SSBP3: variants seen among roughly 807,000 people sequenced by gnomAD.
The protein encoded by SSBP3 is single stranded DNA binding protein 3.
Under a neutral mutation model 69.6 loss-of-function variants are expected in SSBP3, and 5 were observed. That is an observed-to-expected ratio of 0.07 (90% CI 0.04 to 0.15). The LOEUF (loss-of-function observed/expected upper bound fraction) is 0.15. SSBP3 is among the 10% of genes least tolerant of loss of function. SSBP3 has a pLI of 1.00. For synonymous variants in SSBP3, 196 were observed against 193.4 expected (o/e 1.01, Z -0.11); for missense variants, 312 against 534.0 (o/e 0.58, Z 4.10).
chr1:54,281,018 G>T (rs1464805793), intron 5 of SSBP3, among the ~76,000 whole-genome samples: 1 of 152,152 alleles, frequency 6.6e-6, no homozygotes, highest in African/African-American at 2.4e-5. Flanking sequence ...TTGTCATTTG[G>T]ACAAGTAAAG....
intron 4 of SSBP3, among the ~76,000 whole-genome samples, chr1:54,284,674 G>A (rs1476467586): frequency 1.3e-5 from 2 of 151,850 alleles, no homozygotes; most frequent in Admixed American, 6.6e-5. Flanking sequence ...TCACTATGTT[G>A]CCCAGGCTGG....
At chr1:54,272,480 CTTT>C (rs71497593) in intron 5 of SSBP3, among the ~76,000 whole-genome samples, 11,876 of 123,660 alleles carry the variant, frequency 0.096, 1,135 homozygotes, top group African/African-American at 0.25. Flanking sequence ...GGAATTTGAC[CTTT>C]TTTTTAAAAA....
intron 4 of SSBP3, among the ~76,000 whole-genome samples, chr1:54,321,388 G>A (rs1446581183): frequency 2.6e-5 from 4 of 152,224 alleles, no homozygotes; most frequent in South Asian, 4.1e-4. Flanking sequence ...TCATTTGCCC[G>A]AGGTCAAGTG....
chr1:54,377,167 A>G (rs1395508228), intron 4 of SSBP3, among the ~76,000 whole-genome samples: 2 of 152,192 alleles, frequency 1.3e-5, no homozygotes, highest in African/African-American at 4.8e-5. Flanking sequence ...AGGGTGCCAC[A>G]GGCCTCATCG....
intron 9 of SSBP3, among the ~76,000 whole-genome samples, chr1:54,244,311 C>T (rs931229950): frequency 1.3e-5 from 2 of 152,196 alleles, no homozygotes; most frequent in African/African-American, 2.4e-5. Flanking sequence ...ACCATGTTGG[C>T]CAGGCTGGTC....
intron 4 of SSBP3, among the ~76,000 whole-genome samples, chr1:54,394,027 T>G (rs1455186089): frequency 6.6e-6 from 1 of 152,200 alleles, no homozygotes; most frequent in Non-Finnish European, 1.5e-5. Context: ...CCCAAAGTGT[T>G]GGGATTACAG....
intron 4 of SSBP3, among the ~76,000 whole-genome samples, chr1:54,301,570 G>A (rs1203903493): frequency 4.6e-5 from 7 of 152,286 alleles, no homozygotes; most frequent in Non-Finnish European, 7.4e-5. Context: ...CCTCCCACGC[G>A]GGGACCCTCG....
At chr1:54,294,489 A>G (rs1645669947) in intron 4 of SSBP3, among the ~76,000 whole-genome samples, 2 of 152,200 alleles carry the variant, frequency 1.3e-5, no homozygotes, top group South Asian at 4.1e-4. Flanking sequence ...AGACAACTTC[A>G]GCTAGTGTCT....
chr1:54,351,691 G>A (rs930923575), intron 4 of SSBP3, among the ~76,000 whole-genome samples: 5 of 152,184 alleles, frequency 3.3e-5, no homozygotes, highest in Non-Finnish European at 7.4e-5. Flanking sequence ...TCCTCAACAG[G>A]CCAAGCTAGC....
intron 4 of SSBP3, among the ~76,000 whole-genome samples, chr1:54,367,445 C>T (rs572036803): frequency 2.0e-5 from 3 of 152,316 alleles, no homozygotes; most frequent in African/African-American, 7.2e-5. Flanking sequence ...TGGGTCTCCA[C>T]TACTGAGCTC....
At chr1:54,238,416 G>A in intron 14 of SSBP3, 1 of 432,340 alleles carries the variant, frequency 2.3e-6, no homozygotes, top group Non-Finnish European at 4.8e-6. Flanking sequence ...GGCCTGCATG[G>A]AGGAGGAAGG....
chr1:54,401,195 C>T (rs994232436), intron 4 of SSBP3, among the ~76,000 whole-genome samples: 6 of 152,116 alleles, frequency 3.9e-5, no homozygotes, highest in African/African-American at 1.2e-4. Flanking sequence ...ACAACCCTCT[C>T]GTAATAATTT....
chr1:54,244,188 C>T (rs1344012045), intron 9 of SSBP3, among the ~76,000 whole-genome samples: 1 of 152,122 alleles, frequency 6.6e-6, no homozygotes, highest in Non-Finnish European at 1.5e-5. Context: ...ACTGCAACCT[C>T]CACCTCCCAG....
chr1:54,404,790 C>CAAAGGCTCT (rs1649576134), intron 2 of SSBP3, 68 bp downstream of exon 2: 3 of 1,128,290 alleles, frequency 2.7e-6, no homozygotes, highest in Admixed American at 1.9e-5. Flanking sequence ...CTCCTGAAAA[C>CAAAGGCTCT]AAAGGCTCTA....
At chr1:54,410,990 G>T (rs1649973204), upstream of SSBP3, among the ~76,000 whole-genome samples, 1 of 152,190 alleles carries the variant, frequency 6.6e-6, no homozygotes, top group South Asian at 2.1e-4. Flanking sequence ...GAAAGAAGTG[G>T]ATTTAAATTT....
At chr1:54,343,140 G>A (rs778199085) in intron 4 of SSBP3, among the ~76,000 whole-genome samples, 2 of 152,206 alleles carry the variant, frequency 1.3e-5, no homozygotes, top group Non-Finnish European at 2.9e-5. Flanking sequence ...GACAGGTGGG[G>A]GGAAGAGGGG....
intron 4 of SSBP3, among the ~76,000 whole-genome samples, chr1:54,378,835 G>A (rs1647395927): frequency 6.6e-6 from 1 of 152,220 alleles, no homozygotes; most frequent in South Asian, 2.1e-4. Context: ...CAAAGGGACA[G>A]GAAAAGAGAG....
At chr1:54,353,739 C>T (rs1169825733) in intron 4 of SSBP3, among the ~76,000 whole-genome samples, 2 of 152,326 alleles carry the variant, frequency 1.3e-5, no homozygotes, top group Admixed American at 6.5e-5. Flanking sequence ...TCAGCAAACC[C>T]TGTGGAACTA....
intron 4 of SSBP3, among the ~76,000 whole-genome samples, chr1:54,307,696 G>A (rs1340259392): frequency 6.6e-6 from 1 of 152,108 alleles, no homozygotes; most frequent in African/African-American, 2.4e-5. Context: ...TAAAGAAGCC[G>A]GCCAAAACCT....
Sources: gnomAD v4.1 joint callset for allele counts (sites outside exome capture counted in the v4.1 genomes callset) on GRCh38, gnomAD v4.1.1 for gene constraint, MANE v1.5 for transcripts, NCBI Gene and HGNC (gene_info 2026-07-23, HGNC 2026-07-21) for gene names.